MYO5B: variants seen among roughly 807,000 people sequenced by gnomAD.
MYO5B encodes unconventional myosin-Vb.
Under a neutral mutation model 229.3 loss-of-function variants are expected in MYO5B, and 143 were observed. The ratio of observed to expected loss-of-function variants is 0.62; its 90% confidence interval spans 0.54 to 0.72. The LOEUF (loss-of-function observed/expected upper bound fraction) is 0.72. MYO5B is among the 30% of genes least tolerant of loss of function. The pLI is 0.00. For missense variants in MYO5B, 2,321 were observed against 2,331.0 expected (o/e 1.00, Z 0.09); for synonymous variants, 918 against 885.2 (o/e 1.04, Z -0.66).
chr18:50,051,226 C>T (rs1196283280), intron 2 of MYO5B, among the ~76,000 whole-genome samples: 7 of 152,152 alleles, frequency 4.6e-5, no homozygotes. Context: ...TGTAGGGTTA[C>T]ATTCTCTTGC....
chr18:50,138,442 A>C (rs1483826700), intron 1 of MYO5B, among the ~76,000 whole-genome samples: 1 of 152,180 alleles, frequency 6.6e-6, no homozygotes, highest in Non-Finnish European at 1.5e-5. Context: ...CAGTAAATGG[A>C]ATGCTGCTTT....
intron 4 of MYO5B, among the ~76,000 whole-genome samples, chr18:50,020,523 C>A (rs903877441): frequency 6.6e-6 from 1 of 152,244 alleles, no homozygotes; most frequent in Non-Finnish European, 1.5e-5. Context: ...GCCTCCCATT[C>A]TCCCAGCTTC....
intron 29 of MYO5B, among the ~76,000 whole-genome samples, chr18:49,860,750 T>C (rs183769414): frequency 6.6e-6 from 1 of 152,196 alleles, no homozygotes; most frequent in Non-Finnish European, 1.5e-5. Context: ...AGGGAGAGGA[T>C]AGATGTCATC....
intron 1 of MYO5B, among the ~76,000 whole-genome samples, chr18:50,190,582 G>T (rs1371652086): frequency 6.6e-6 from 1 of 151,684 alleles, no homozygotes; most frequent in Non-Finnish European, 1.5e-5. Context: ...CTGAGAACAG[G>T]AGTGTCTCTG....
chr18:50,095,036 G>A (rs752935432), intron 1 of MYO5B, among the ~76,000 whole-genome samples: 29 of 152,144 alleles, frequency 1.9e-4, no homozygotes, highest in African/African-American at 5.8e-4. Context: ...TGCCATGTTG[G>A]CCAGGCTGGT....
At chr18:50,194,729 C>T in intron 1 of MYO5B, 38 bp downstream of exon 1, 2 of 1,434,938 alleles carry the variant, frequency 1.4e-6, no homozygotes, top group South Asian at 2.6e-5. Context: ...GAGCGCGCCA[C>T]CCCGGCCCCG....
At chr18:49,934,638 G>A (rs1384467797) in intron 16 of MYO5B, among the ~76,000 whole-genome samples, 2 of 152,302 alleles carry the variant, frequency 1.3e-5, no homozygotes, top group East Asian at 1.9e-4. Context: ...CACACACTAC[G>A]CTTCTAACAG....
chr18:49,826,361 CTGATT>C lies in MYO5B; in HGVS notation c.*105_*109del. On this transcript the variant is annotated 3_prime_UTR_variant, in exon 40 of 40. Coordinates refer to ENST00000285039, the MANE Select transcript of MYO5B (RefSeq NM_001080467.3). Reference sequence around the variant, plus strand: ...AGCACCCTCCACAGGCTGTCAATCTCTGATTTGATCTACTTTTACCAGATTTAACA... The same window carrying C: ...AGCACCCTCCACAGGCTGTCAATCTCTGATCTACTTTTACCAGATTTAACA... 2 of 1,361,200 alleles carry C rather than the reference CTGATT, an allele frequency of 1.5e-6. No homozygotes were observed. Among genetic ancestry groups the C allele is most frequent in the Non-Finnish European group, 2.0e-6 (2 of 978,708 alleles). 84.3% of individuals were successfully genotyped at this position (1,361,200 alleles called of 1,614,324 possible). A position where few individuals can be genotyped will look rare whatever the true frequency, so the allele number is the denominator to read the frequency against.
intron 14 of MYO5B, among the ~76,000 whole-genome samples, chr18:49,940,371 G>T (rs954031937): frequency 2.0e-5 from 3 of 152,118 alleles, no homozygotes; most frequent in African/African-American, 7.2e-5. Flanking sequence ...TGGCATACTA[G>T]AACTGTTCTC....
At chr18:50,178,174 C>A (rs536877353) in intron 1 of MYO5B, among the ~76,000 whole-genome samples, 23 of 152,144 alleles carry the variant, frequency 1.5e-4, no homozygotes, top group Non-Finnish European at 1.3e-4. Context: ...TTGTGGCGCA[C>A]ACAATCAGCT....
chr18:50,031,192 A>C (rs2026384814), intron 4 of MYO5B, among the ~76,000 whole-genome samples: 1 of 152,088 alleles, frequency 6.6e-6, no homozygotes, highest in Non-Finnish European at 1.5e-5. Context: ...GCTACCCATT[A>C]AGGGAGGTAG....
At chr18:49,958,471 C>T (rs2025520804) in intron 12 of MYO5B, among the ~76,000 whole-genome samples, 1 of 152,190 alleles carries the variant, frequency 6.6e-6, no homozygotes, top group African/African-American at 2.4e-5. Flanking sequence ...AGCTGTCAAG[C>T]AGGAAATCCC....
Position 49,927,020 on chromosome 18 carries a change from T to C in MYO5B, c.2090+2492A>G, listed in dbSNP as rs192306694. Among the ~76,000 whole-genome samples, 509 of 152,112 alleles carry C rather than the reference T, an allele frequency of 3.3e-3. 1 individual carries two copies. The highest frequency in any genetic ancestry group is 6.0e-3 in the Non-Finnish European group (407 of 67,982). ...CTGCTAGGGACTGGGGGAGAGAGAA[T>C]AGGGAAATATTGTTAATGCCGCAGT... On this transcript the variant is annotated intron_variant, in intron 17 of 39. Transcript: ENST00000285039.
In MYO5B at chr18:49,870,855, A is replaced by T. The variant is rs112130537; in HGVS notation, c.3603+1312T>A. Reference sequence around the variant, plus strand: ...TGTGCACTGCTGGTGGGAATGTAAAATGGTGCAGCTGCTATGGAAAACAGT... The same window carrying T: ...TGTGCACTGCTGGTGGGAATGTAAATTGGTGCAGCTGCTATGGAAAACAGT... On this transcript the variant is annotated intron_variant, in intron 27 of 39. Transcript: ENST00000285039. Among the ~76,000 whole-genome samples, 1,072 of 152,346 alleles carry T rather than the reference A, an allele frequency of 7.0e-3. 16 individuals carry two copies. The highest frequency in any genetic ancestry group is 0.02 in the African/African-American group (840 of 41,568).
At chr18:49,969,655 T>A (rs1230580170) in intron 10 of MYO5B, 1 of 152,234 alleles carries the variant, frequency 6.6e-6, no homozygotes, top group Non-Finnish European at 1.5e-5. Context: ...GTGCTGGGAT[T>A]ATAGGCATGA....
intron 12 of MYO5B, among the ~76,000 whole-genome samples, chr18:49,958,597 C>A (rs9948273): frequency 0.32 from 49,280 of 151,934 alleles, 8,468 homozygotes; most frequent in South Asian, 0.5. Flanking sequence ...CCCACCCCTG[C>A]CTCCTGGAGG....
At chr18:49,980,644 TAAGGTTTGA>T in intron 8 of MYO5B, 91 bp from the exon 9 acceptor site, 2 of 924,680 alleles carry the variant, frequency 2.2e-6, no homozygotes, top group African/African-American at 1.7e-5. Context: ...TTTTTTTTAA[TAAGGTTTGA>T]TTTTTCTTTC....
chr18:49,860,166 G>A (rs576644108), intron 29 of MYO5B, among the ~76,000 whole-genome samples: 1 of 152,198 alleles, frequency 6.6e-6, no homozygotes, highest in East Asian at 1.9e-4. Context: ...TAAGGCTTGG[G>A]TAGAAGTGGA....
chr18:49,958,513 T>C (rs1273137430), intron 12 of MYO5B, among the ~76,000 whole-genome samples: 1 of 152,184 alleles, frequency 6.6e-6, no homozygotes, highest in Non-Finnish European at 1.5e-5. Flanking sequence ...GAAACTCATC[T>C]GCACCCACAG....
Sources: gnomAD v4.1 joint callset for allele counts (sites outside exome capture counted in the v4.1 genomes callset) on GRCh38, gnomAD v4.1.1 for gene constraint, MANE v1.5 for transcripts, NCBI Gene and HGNC (gene_info 2026-07-23, HGNC 2026-07-21) for gene names.